ATRNL1: variants seen among roughly 807,000 people sequenced by gnomAD.
ATRNL1 encodes attractin like 1, also known as attractin-like protein 1.
A neutral mutation model predicts 182.7 loss-of-function variants in ATRNL1; 95 were observed. That is an observed-to-expected ratio of 0.52 (90% confidence interval 0.44 to 0.62). The LOEUF (loss-of-function observed/expected upper bound fraction) is 0.62, where lower values mean the gene tolerates loss of function less well. Among genes scored for constraint, ATRNL1 ranks in the 20% least tolerant of loss-of-function variants. ATRNL1 has a pLI of 0.00. For missense variants in ATRNL1, 1,471 were observed against 1,679.5 expected (o/e 0.88, Z 2.17); for synonymous variants, 576 against 568.3 (o/e 1.01, Z -0.19).
chr10:115,635,327 A>G (rs557001599), intron 26 of ATRNL1, among the ~76,000 whole-genome samples: 7 of 152,196 alleles, frequency 4.6e-5, no homozygotes, highest in Non-Finnish European at 8.8e-5. Context: ...GTAAAAAAAA[A>G]AAAAAAATTG....
chr10:115,097,378 A>G (rs1451209338), intron 1 of ATRNL1, among the ~76,000 whole-genome samples: 2 of 152,180 alleles, frequency 1.3e-5, no homozygotes, highest in African/African-American at 2.4e-5. Flanking sequence ...CACAGCTACA[A>G]GAGAGAGTGA....
chr10:115,692,940 C>CA (rs1946439942), intron 26 of ATRNL1, among the ~76,000 whole-genome samples: 1 of 151,994 alleles, frequency 6.6e-6, no homozygotes, highest in Non-Finnish European at 1.5e-5. Flanking sequence ...CTGAATGCAA[C>CA]ATCCCTCTTT....
chr10:115,823,017 A>G (rs782462110), intron 27 of ATRNL1, among the ~76,000 whole-genome samples: 34 of 152,328 alleles, frequency 2.2e-4, no homozygotes, highest in Non-Finnish European at 4.0e-4. Context: ...ATGAACATCA[A>G]TGCGAAAATC....
chr10:115,935,605 T>C (rs1482345022), intron 28 of ATRNL1, among the ~76,000 whole-genome samples: 2 of 152,164 alleles, frequency 1.3e-5, no homozygotes, highest in African/African-American at 4.8e-5. Context: ...ACCAGCTGTG[T>C]GGGCATAAAC....
chr10:115,702,098 T>A lies in ATRNL1; in HGVS notation c.3796-25150T>A, dbSNP rs191542163. On this transcript the variant is annotated intron_variant, in intron 26 of 28. Coordinates refer to ENST00000355044, the MANE Select transcript of ATRNL1 (RefSeq NM_207303.4). ...TGATTGAGTAGCTACATTCCTGGCA[T>A]GTAAGGTTGGTTCAACATATGCAAA... Among the ~76,000 whole-genome samples the A allele has an allele frequency of 7.2e-5, 11 of 152,172 alleles. No individual in the cohort carries two copies. In the East Asian group the frequency reaches 2.1e-3, roughly 29 times the overall value.
chr10:115,266,763 C>T lies in ATRNL1; in HGVS notation c.1773-34C>T, dbSNP rs782456583. The T allele has an allele frequency of 2.1e-5, 27 of 1,302,176 alleles. No homozygotes were observed. In the Admixed American group the frequency reaches 3.1e-4, roughly 15 times the overall value. 80.7% of individuals were successfully genotyped at this position (1,302,176 alleles called of 1,614,324 possible). On this transcript the variant is annotated intron_variant, in intron 11 of 28. Transcript: ENST00000355044. ...ATCAGTAGATAGGGACTTTTAATAG[C>T]GTTTCTTTAAGATTCTTGTTTTGTT...
intron 27 of ATRNL1, among the ~76,000 whole-genome samples, chr10:115,742,654 T>C (rs377029952): frequency 2.0e-5 from 3 of 152,166 alleles, no homozygotes; most frequent in South Asian, 4.1e-4. Context: ...CTTAAATGAA[T>C]CTCTTTATCA....
At chr10:115,517,083 G>A (rs1442129499) in intron 24 of ATRNL1, among the ~76,000 whole-genome samples, 1 of 151,838 alleles carries the variant, frequency 6.6e-6, no homozygotes, top group Admixed American at 6.6e-5. Flanking sequence ...ATTTTTACAT[G>A]ATTTAAATGA....
chr10:115,912,813 CA>C (rs1952724284), intron 28 of ATRNL1, among the ~76,000 whole-genome samples: 1 of 152,132 alleles, frequency 6.6e-6, no homozygotes, highest in Non-Finnish European at 1.5e-5. Flanking sequence ...AGAATGTCAT[CA>C]CTCTTCATAT....
chr10:115,209,057 A>G (rs1276541901), intron 8 of ATRNL1, among the ~76,000 whole-genome samples: 1 of 151,898 alleles, frequency 6.6e-6, no homozygotes, highest in African/African-American at 2.4e-5. Flanking sequence ...TGACTCAAAT[A>G]TAACAAGAGT....
At chr10:115,824,714 A>G (rs1950386886) in intron 27 of ATRNL1, among the ~76,000 whole-genome samples, 1 of 152,206 alleles carries the variant, frequency 6.6e-6, no homozygotes, top group Non-Finnish European at 1.5e-5. Context: ...CAAAACCACA[A>G]TGAGATACCA....
intron 28 of ATRNL1, among the ~76,000 whole-genome samples, chr10:115,856,447 A>AAAAAAAAAAAAC (rs1951188636): frequency 6.8e-6 from 1 of 147,568 alleles, no homozygotes; most frequent in Non-Finnish European, 1.5e-5. Flanking sequence ...AAAAAAAAAA[A>AAAAAAAAAAAAC]AAAGCCATAC....
At chr10:115,871,467 C>CCATATATATATATATA (rs1951578505) in intron 28 of ATRNL1, among the ~76,000 whole-genome samples, 2 of 16,544 alleles carry the variant, frequency 1.2e-4, no homozygotes, top group African/African-American at 1.7e-4. Flanking sequence ...TGGTCAGATT[C>CCATATATATATATATA]TTTGTGTGTG....
At chr10:115,499,046 A>C (rs1396455792) in intron 24 of ATRNL1, among the ~76,000 whole-genome samples, 1 of 152,154 alleles carries the variant, frequency 6.6e-6, no homozygotes, top group South Asian at 2.1e-4. Context: ...AAAAATTGCT[A>C]TTATGAATCT....
chr10:115,364,915 A>G lies in ATRNL1; in HGVS notation c.3176-29744A>G, dbSNP rs868915640. Among the ~76,000 whole-genome samples the G allele has an allele frequency of 4.7e-4, 71 of 151,062 alleles. 1 individual carries two copies. The highest frequency in any genetic ancestry group is 2.1e-4 in the South Asian group (1 of 4,784). On this transcript the variant is annotated intron_variant, in intron 19 of 28. Coordinates refer to ENST00000355044, the MANE Select transcript of ATRNL1 (RefSeq NM_207303.4). ...AGCTTTTTGATGTGCTGCTGGATTC[A>G]GTTTGCCAGTATTTTATTGAGGATT...
At chr10:115,469,911 G>T (rs17093123) in intron 24 of ATRNL1, among the ~76,000 whole-genome samples, 2,917 of 150,524 alleles carry the variant, frequency 0.019, 63 homozygotes, top group East Asian at 0.12. Flanking sequence ...TATAGTCAAG[G>T]TTTGTGTTCT....
chr10:115,315,868 TAAA>T lies in ATRNL1; in HGVS notation c.3037+136_3037+138del, dbSNP rs554949217. On this transcript the variant is annotated intron_variant, in intron 18 of 28. Coordinates refer to ENST00000355044, the MANE Select transcript of ATRNL1 (RefSeq NM_207303.4). ...GAAAATGAGACTAAAATGTCAAAGA[TAAA>T]AAATTATTCCATAGACTATATCTAT... The T allele has an allele frequency of 2.0e-5, 14 of 704,164 alleles. No individual in the cohort carries two copies. In the Admixed American group the frequency reaches 4.0e-4, roughly 20 times the overall value. The allele number at this position is 704,164 out of a possible 1,614,324, so 43.6% of individuals were successfully genotyped here. A position where few individuals can be genotyped will look rare whatever the true frequency, so the allele number is the denominator to read the frequency against.
chr10:115,336,555 G>C (rs1554936757), intron 19 of ATRNL1, among the ~76,000 whole-genome samples: 1 of 152,108 alleles, frequency 6.6e-6, no homozygotes, highest in African/African-American at 2.4e-5. Flanking sequence ...TATACTATGA[G>C]ATGTTTTCAT....
At chr10:115,650,735 T>G (rs1015474508) in intron 26 of ATRNL1, among the ~76,000 whole-genome samples, 14 of 152,150 alleles carry the variant, frequency 9.2e-5, no homozygotes, top group African/African-American at 3.1e-4. Flanking sequence ...AAGTCACCCA[T>G]CTTAGAGGCA....
Sources: allele counts gnomAD v4.1 joint callset (sites outside exome capture counted in the v4.1 genomes callset), GRCh38; gene constraint gnomAD v4.1.1; transcripts MANE v1.5; gene names NCBI Gene and HGNC (gene_info 2026-07-23, HGNC 2026-07-21).